Variants in CACNA2D1 observed in about 807,000 individuals in gnomAD.
CACNA2D1 encodes the protein voltage-dependent calcium channel subunit alpha-2/delta-1.
In CACNA2D1, 53 loss-of-function variants were observed where a neutral mutation model predicts 171.5. The observed-to-expected ratio is 0.31, with a 90% confidence interval of 0.25 to 0.39. The LOEUF is 0.39. Ranked by LOEUF, CACNA2D1 falls within the 10% of genes least tolerant of loss-of-function variation. The probability of loss-of-function intolerance (pLI) is 1.00; values close to 1 mark genes in which losing one functional copy is unlikely to be tolerated. For synonymous variants in CACNA2D1, 442 were observed against 443.1 expected, an observed-to-expected ratio of 1.00 and a Z score of 0.03; for missense variants, 903 against 1,299.8, an observed-to-expected ratio of 0.69 and a Z score of 4.69.
chr7:82,097,238 G>C (rs146994088), intron 6 of CACNA2D1, among the ~76,000 whole-genome samples: 9 of 152,216 alleles, frequency 5.9e-5, no homozygotes, highest in Non-Finnish European at 1.3e-4. Flanking sequence ...TGTTATTAGA[G>C]AGACATGATT....
At chr7:82,020,952 A>AT (rs1245601341) in intron 12 of CACNA2D1, 1 of 152,146 alleles carries the variant, frequency 6.6e-6, no homozygotes, top group Non-Finnish European at 1.5e-5. Context: ...TTGCACACAC[A>AT]TTCACAAAGA....
chr7:82,336,843 A>G (rs527840035), intron 2 of CACNA2D1, among the ~76,000 whole-genome samples: 1 of 152,182 alleles, frequency 6.6e-6, no homozygotes, highest in Non-Finnish European at 1.5e-5. Flanking sequence ...TTGGTGTGAA[A>G]TGTAGTGTGC....
At chr7:82,440,525 T>C (rs1439408186) in intron 1 of CACNA2D1, among the ~76,000 whole-genome samples, 1 of 151,920 alleles carries the variant, frequency 6.6e-6, no homozygotes, top group East Asian at 1.9e-4. Flanking sequence ...ATACACATTA[T>C]GTGGCTGCTA....
At position 82,290,870 on chromosome 7, in the gene CACNA2D1, T is replaced by C. The variant is rs571101887; in HGVS notation, c.294+44265A>G. 9.9e-5 allele frequency among the ~76,000 whole-genome samples: 15 copies of C among 151,934 alleles called. No homozygotes were observed. The South Asian group carries it at 2.7e-3, about 27-fold the overall frequency. ...CTCGGCCTCCCAAAGTGCTGGGATT[T>C]CAGACGTGAGCCCCCGCACCCAGTG... On this transcript the variant is annotated intron_variant, in intron 3 of 38. Coordinates refer to ENST00000356860, the MANE Select transcript of CACNA2D1 (RefSeq NM_000722.4).
intron 3 of CACNA2D1, among the ~76,000 whole-genome samples, chr7:82,323,700 C>T (rs1480650441): frequency 6.6e-6 from 1 of 152,176 alleles, no homozygotes; most frequent in African/African-American, 2.4e-5. Flanking sequence ...TGAGCTAATT[C>T]TCATTTTGCT....
chr7:81,982,800 A>G, intron 23 of CACNA2D1, 173 bp from the exon 24 acceptor site: 1 of 672,214 alleles, frequency 1.5e-6, no homozygotes, highest in South Asian at 1.6e-5. Context: ...ATGCTTCCCA[A>G]AATAATAAAA....
chr7:82,339,134 T>C (rs745652696), intron 2 of CACNA2D1, among the ~76,000 whole-genome samples: 13 of 152,088 alleles, frequency 8.5e-5, no homozygotes, highest in African/African-American at 2.7e-4. Context: ...TTAGAGAATA[T>C]AGAAAAAGAG....
At chr7:82,179,320 T>C (rs1358916380) in intron 3 of CACNA2D1, among the ~76,000 whole-genome samples, 1 of 151,786 alleles carries the variant, frequency 6.6e-6, no homozygotes, top group Non-Finnish European at 1.5e-5. Context: ...GGAGAGAAAA[T>C]GGACTGTGGA....
At chr7:82,001,579 C>G in intron 18 of CACNA2D1, 1 of 439,770 alleles carries the variant, frequency 2.3e-6, no homozygotes, top group Admixed American at 2.7e-5. Flanking sequence ...TAATTATAAG[C>G]TTTAAGAACA....
intron 3 of CACNA2D1, among the ~76,000 whole-genome samples, chr7:82,316,476 G>C (rs1194970126): frequency 6.6e-6 from 1 of 151,984 alleles, no homozygotes; most frequent in African/African-American, 2.4e-5. Flanking sequence ...TTCTCACAAA[G>C]AGAACAATCC....
At chr7:82,299,927 G>A (rs1002441118) in intron 3 of CACNA2D1, among the ~76,000 whole-genome samples, 1 of 152,162 alleles carries the variant, frequency 6.6e-6, no homozygotes, top group Admixed American at 6.5e-5. Flanking sequence ...CAGGAACGAT[G>A]TTAGGCCCAA....
chr7:82,430,108 T>G (rs1829545612), intron 1 of CACNA2D1, among the ~76,000 whole-genome samples: 2 of 152,018 alleles, frequency 1.3e-5, no homozygotes. Flanking sequence ...AATGTCAAAA[T>G]GACTGCTATA....
In CACNA2D1 at chr7:82,080,034, TG is replaced by T. The variant is rs943231035; in HGVS notation, c.658+4734del. 1.0e-4 allele frequency among the ~76,000 whole-genome samples: 13 copies of T among 127,524 alleles called. No homozygotes were observed. The South Asian group carries it at 2.8e-3, about 27-fold the overall frequency. 83.7% of individuals were successfully genotyped at this position (127,524 alleles called of 152,430 possible). ...AATTATTATGGGTACATAATACTGA[TG>T]GGGTTAAAAATATATATGTGTGTAT... On this transcript the variant is annotated intron_variant, in intron 7 of 38. Transcript: ENST00000356860.
chr7:82,222,623 C>T (rs1295566204), intron 3 of CACNA2D1, among the ~76,000 whole-genome samples: 2 of 152,142 alleles, frequency 1.3e-5, no homozygotes, highest in Non-Finnish European at 2.9e-5. Context: ...CCTCAAGACA[C>T]ATAACTGCCT....
intron 3 of CACNA2D1, among the ~76,000 whole-genome samples, chr7:82,294,899 A>G (rs896439863): frequency 1.3e-5 from 2 of 152,212 alleles, no homozygotes; most frequent in Non-Finnish European, 2.9e-5. Context: ...ATAAACATCT[A>G]CATGACAAAA....
chr7:82,133,267 A>C (rs1156930297), intron 5 of CACNA2D1, among the ~76,000 whole-genome samples: 1 of 152,212 alleles, frequency 6.6e-6, no homozygotes, highest in African/African-American at 2.4e-5. Flanking sequence ...ATTAATATAC[A>C]GATTTCACAG....
chr7:82,059,281 C>G (rs1024678298), intron 10 of CACNA2D1, among the ~76,000 whole-genome samples: 1 of 152,078 alleles, frequency 6.6e-6, no homozygotes, highest in East Asian at 1.9e-4. Context: ...TAAAATGACA[C>G]ATGGTAACAT....
intron 12 of CACNA2D1, among the ~76,000 whole-genome samples, chr7:82,030,459 G>C (rs1209159600): frequency 6.7e-6 from 1 of 150,286 alleles, no homozygotes; most frequent in Admixed American, 6.7e-5. Context: ...AAAGCAACTT[G>C]TTCTTATTTA....
chr7:81,951,029 T>C (rs1792458573), intron 38 of CACNA2D1, among the ~76,000 whole-genome samples: 1 of 151,958 alleles, frequency 6.6e-6, no homozygotes, highest in Admixed American at 6.6e-5. Context: ...AGAATTAAAG[T>C]AAAATGGGAA....
Sources: gnomAD v4.1 joint callset for allele counts (sites outside exome capture counted in the v4.1 genomes callset) on GRCh38, gnomAD v4.1.1 for gene constraint, MANE v1.5 for transcripts, NCBI Gene and HGNC (gene_info 2026-07-23, HGNC 2026-07-21) for gene names.